BLTP1: variants seen among roughly 807,000 people sequenced by gnomAD.
The protein encoded by BLTP1 is bridge-like lipid transfer protein family member 1, also known as fragile site-associated protein.
At chr4:122,207,413 G>T in the BLTP1 span, 1 of 1,436,620 alleles carries the variant, frequency 7.0e-7, no homozygotes, top group South Asian at 1.5e-5. Context: ...GACTGTTTCA[G>T]AGTTTGTATT....
the BLTP1 span, among the ~76,000 whole-genome samples, chr4:122,338,474 AAC>A: frequency 6.6e-6 from 1 of 152,068 alleles, no homozygotes; most frequent in Non-Finnish European, 1.5e-5. Context: ...TCTCTAAAAA[AAC>A]AGAGTGTCTC....
chr4:122,275,947 C>CT, the BLTP1 span: 1 of 1,516,066 alleles, frequency 6.6e-7, no homozygotes, highest in Non-Finnish European at 8.8e-7. Context: ...TGTTTTCCCA[C>CT]TTTCTCTTGA....
chr4:122,286,616 T>A, the BLTP1 span: 2 of 1,614,012 alleles, frequency 1.2e-6, no homozygotes, highest in Non-Finnish European at 1.7e-6. Flanking sequence ...GCCACAGATA[T>A]GTCAACCATT....
chr4:122,158,765 C>T, the BLTP1 span, among the ~76,000 whole-genome samples: 17 of 151,342 alleles, frequency 1.1e-4, no homozygotes, highest in South Asian at 2.1e-4. Flanking sequence ...AGCGAGACTC[C>T]GTCTCAAAAA....
chr4:122,194,088 T>G, the BLTP1 span, among the ~76,000 whole-genome samples: 1 of 152,118 alleles, frequency 6.6e-6, no homozygotes, highest in Non-Finnish European at 1.5e-5. Flanking sequence ...GGTCTCGATC[T>G]CCTGACCTCG....
At chr4:122,232,620 TA>T in the BLTP1 span, among the ~76,000 whole-genome samples, 1 of 151,866 alleles carries the variant, frequency 6.6e-6, no homozygotes, top group African/African-American at 2.4e-5. Flanking sequence ...AAAAATAAGA[TA>T]AAAAACATAA....
chr4:122,316,744 T>C, the BLTP1 span: 1 of 1,610,000 alleles, frequency 6.2e-7, no homozygotes, highest in African/African-American at 1.3e-5. Flanking sequence ...AGCCACAGAT[T>C]ATCGAAGACA....
chr4:122,159,100 G>C, the BLTP1 span, among the ~76,000 whole-genome samples: 3 of 152,052 alleles, frequency 2.0e-5, no homozygotes, highest in Admixed American at 2.0e-4. Flanking sequence ...TATTCATGTT[G>C]GTACTTTCTT....
the BLTP1 span, chr4:122,289,243 G>C: frequency 7.8e-7 from 1 of 1,285,684 alleles, no homozygotes; most frequent in Non-Finnish European, 1.1e-6. Flanking sequence ...TATTCTCATT[G>C]AGCGTGTGAT....
the BLTP1 span, chr4:122,362,591 GT>G: frequency 5.9e-6 from 1 of 169,256 alleles, no homozygotes; most frequent in African/African-American, 2.4e-5. Context: ...AAAAAATCTT[GT>G]TGATGATAAT....
the BLTP1 span, chr4:122,183,207 G>A: frequency 2.0e-5 from 7 of 352,218 alleles, no homozygotes; most frequent in Non-Finnish European, 2.8e-5. Context: ...ATGGTGACAC[G>A]TGCCTGGGGT....
the BLTP1 span, chr4:122,247,092 G>A: frequency 6.7e-7 from 1 of 1,499,478 alleles, no homozygotes. Flanking sequence ...AACCTTTTAG[G>A]TAAATGTTTT....
At chr4:122,328,459 G>A in the BLTP1 span, 2 of 1,068,444 alleles carry the variant, frequency 1.9e-6, no homozygotes, top group Non-Finnish European at 2.7e-6. Flanking sequence ...CATTTTTAAT[G>A]TGCCTCGCTT....
the BLTP1 span, among the ~76,000 whole-genome samples, chr4:122,232,871 C>T: frequency 2.6e-5 from 4 of 152,076 alleles, no homozygotes; most frequent in Non-Finnish European, 5.9e-5. Context: ...GGACTCGTGA[C>T]GATTTGCCTC....
chr4:122,325,377 C>T, the BLTP1 span: 9 of 1,533,592 alleles, frequency 5.9e-6, no homozygotes, highest in Admixed American at 1.4e-4. Context: ...TTACAAATTA[C>T]AAAATTATGG....
the BLTP1 span, chr4:122,207,875 C>A: frequency 3.0e-6 from 3 of 984,132 alleles, no homozygotes; most frequent in Non-Finnish European, 3.6e-6. Context: ...TCTTAGAGTT[C>A]ATTTCTGATC....
At chr4:122,205,898 T>G in the BLTP1 span, 4 of 977,264 alleles carry the variant, frequency 4.1e-6, no homozygotes, top group Non-Finnish European at 4.9e-6. Flanking sequence ...GAGGAGCCCT[T>G]TTATTGAAAG....
chr4:122,351,186 G>T, the BLTP1 span: 1 of 663,250 alleles, frequency 1.5e-6, no homozygotes, highest in Non-Finnish European at 1.9e-6. Context: ...GTGAGAAACA[G>T]TCAGAATGAG....
chr4:122,196,891 A>G, the BLTP1 span: 21 of 570,778 alleles, frequency 3.7e-5, no homozygotes, highest in Non-Finnish European at 5.9e-5. Flanking sequence ...GGATTAATTT[A>G]TATGAGCTGT....
Sources: gnomAD v4.1 joint callset for allele counts (sites outside exome capture counted in the v4.1 genomes callset) on GRCh38, gnomAD v4.1.1 for gene constraint, MANE v1.5 for transcripts, NCBI Gene and HGNC (gene_info 2026-07-23, HGNC 2026-07-21) for gene names.